The following OTULINL variants were observed in gnomAD, a reference collection of about 807,000 sequenced individuals.
The protein encoded by OTULINL is OTU deubiquitinase with linear linkage specificity like.
Under a neutral mutation model 43.9 loss-of-function variants are expected in OTULINL, and 42 were observed. The ratio of observed to expected loss-of-function variants is 0.96; its 90% CI spans 0.75 to 1.24. The LOEUF (loss-of-function observed/expected upper bound fraction) is 1.24, where lower values mean the gene tolerates loss of function less well. OTULINL is among the 50% of genes most tolerant of loss of function. The pLI is 0.00. For synonymous variants in OTULINL, 172 were observed against 153.6 expected, an observed-to-expected ratio of 1.12 and a Z score of -0.88; for missense variants, 411 against 426.4, an observed-to-expected ratio of 0.96 and a Z score of 0.32.
At chr5:14,600,932 C>CTT (rs5866109) in intron 1 of OTULINL, 33 bp from the exon 2 acceptor site, 246 of 1,198,540 alleles carry the variant, frequency 2.1e-4, no homozygotes, top group African/African-American at 2.0e-3. Flanking sequence ...TTGTGATGTG[C>CTT]TTTTTTTTTT....
At chr5:14,589,919 G>A (rs1362472687) in intron 1 of OTULINL, among the ~76,000 whole-genome samples, 2 of 152,046 alleles carry the variant, frequency 1.3e-5, no homozygotes, top group South Asian at 2.1e-4. Flanking sequence ...TCCAGCCTGG[G>A]CGACAGAGTG....
chr5:14,582,424 C>T (rs1008703896), intron 1 of OTULINL, among the ~76,000 whole-genome samples: 6 of 152,050 alleles, frequency 3.9e-5, no homozygotes, highest in Non-Finnish European at 8.8e-5. Flanking sequence ...TCGCGCCCTG[C>T]TGGCAGAGGA....
Position 14,602,872 on chromosome 5 carries a change from A to G in OTULINL, c.498+540A>G, listed in dbSNP as rs1218898407. On this transcript the variant is annotated intron_variant, in intron 5 of 7. Coordinates refer to ENST00000274217, the MANE Select transcript of OTULINL (RefSeq NM_019018.3). ...TTTCTTGAGGGGCATCTGTTCTTTT[A>G]TAAGTAAGGTGATCAAGCAAAATTC... 2.6e-5 allele frequency among the ~76,000 whole-genome samples: 4 copies of G among 152,166 alleles called. No individual in the cohort carries two copies. The South Asian group carries it at 6.2e-4, about 24-fold the overall frequency.
rs1175296406 is a variant in OTULINL at position 14,587,375 on chromosome 5, G to A, written c.64+5417G>A. Among the ~76,000 whole-genome samples the A allele has an allele frequency of 2.6e-5, 4 of 152,214 alleles. No homozygotes were observed. In the East Asian group the frequency reaches 5.8e-4, roughly 22 times the overall value. ...GAAGTGGAAGAGATGGCAAGCCAGT[G>A]CCAGCATGGGCTGAATGTAACCAGT... On this transcript the variant is annotated intron_variant, in intron 1 of 7. Transcript: ENST00000274217.
At chr5:14,582,579 C>G (rs1018393360) in intron 1 of OTULINL, among the ~76,000 whole-genome samples, 2 of 152,038 alleles carry the variant, frequency 1.3e-5, no homozygotes, top group East Asian at 1.9e-4. Context: ...GCGGATCACG[C>G]GGTCAGGAGT....
intron 5 of OTULINL, among the ~76,000 whole-genome samples, chr5:14,603,761 C>G (rs1467762863): frequency 6.6e-6 from 1 of 151,992 alleles, no homozygotes; most frequent in Non-Finnish European, 1.5e-5. Context: ...CAGTCTGTGG[C>G]TTCTGATTTT....
chr5:14,581,974 G>A lies in OTULINL; in HGVS notation c.64+16G>A. ...CCCGCCGCAGGTGAGCCTGGGGCCG[G>A]GCGGGGCGGGGCGGGGGGCGCGAGC... On this transcript the variant is annotated intron_variant, in intron 1 of 7. Coordinates refer to ENST00000274217, the MANE Select transcript of OTULINL (RefSeq NM_019018.3). The A allele has an allele frequency of 1.6e-6, 2 of 1,267,820 alleles. No homozygotes were observed. Among genetic ancestry groups the A allele is most frequent in the African/African-American group, 3.2e-5 (2 of 63,440 alleles). 78.5% of individuals were successfully genotyped at this position (1,267,820 alleles called of 1,614,324 possible). A position where few individuals can be genotyped will look rare whatever the true frequency, so the allele number is the denominator to read the frequency against.
At chr5:14,594,059 C>G (rs1759247585) in intron 1 of OTULINL, among the ~76,000 whole-genome samples, 1 of 152,154 alleles carries the variant, frequency 6.6e-6, no homozygotes, top group Non-Finnish European at 1.5e-5. Flanking sequence ...AACTGAAATA[C>G]AAAAGTTCAG....
intron 5 of OTULINL, among the ~76,000 whole-genome samples, chr5:14,603,390 A>C (rs1759422061): frequency 6.6e-6 from 1 of 152,224 alleles, no homozygotes; most frequent in African/African-American, 2.4e-5. Flanking sequence ...TTAACTTCAT[A>C]AGAAACTGCC....
chr5:14,604,619 A>C (rs1285638406), intron 5 of OTULINL, among the ~76,000 whole-genome samples: 1 of 152,264 alleles, frequency 6.6e-6, no homozygotes, highest in Non-Finnish European at 1.5e-5. Flanking sequence ...AATCAAAAGC[A>C]GTTTAGTTAC....
rs1759387177 is a variant in OTULINL at position 14,601,417 on chromosome 5, C to T, written c.323C>T (p.Thr108Ile). 6.2e-7 allele frequency: 1 copy of T among 1,614,074 alleles called. No homozygotes were observed. The highest frequency in any genetic ancestry group is 8.5e-7 in the Non-Finnish European group (1 of 1,179,982). The change falls in exon 4 of 8, where the codon ACA becomes ATA. Residue 108 changes from threonine to isoleucine, a missense_variant. Physicochemically the swap from Thr to Ile is moderately conservative, Grantham distance 89. Coordinates refer to ENST00000274217, the MANE Select transcript of OTULINL (RefSeq NM_019018.3). ...TGTGCAAGAGAATGGAAAGGAGAGA[C>T]ACCCCGTAACAAGCTGATGAGGAAG... ...SYCAREWKGETPRNKLMRKAY... is the reference protein window; with the variant it reads ...SYCAREWKGEIPRNKLMRKAY...
At chr5:14,604,977 T>C (rs1759448703) in intron 5 of OTULINL, among the ~76,000 whole-genome samples, 1 of 152,172 alleles carries the variant, frequency 6.6e-6, no homozygotes, top group Non-Finnish European at 1.5e-5. Flanking sequence ...GGCCCTCTTC[T>C]CACAGCTCCA....
At chr5:14,605,019 A>C (rs1037762662) in intron 5 of OTULINL, among the ~76,000 whole-genome samples, 2 of 152,172 alleles carry the variant, frequency 1.3e-5, no homozygotes, top group African/African-American at 4.8e-5. Context: ...ATGGGGTCTC[A>C]GTGTGGGGGC....
chr5:14,598,912 T>G (rs1018706628), intron 1 of OTULINL, among the ~76,000 whole-genome samples: 11 of 152,240 alleles, frequency 7.2e-5, no homozygotes, highest in Admixed American at 3.3e-4. Context: ...ATGTATCACC[T>G]GTGTAAAATT....
chr5:14,598,255 G>A (rs1759321792), intron 1 of OTULINL, among the ~76,000 whole-genome samples: 1 of 152,236 alleles, frequency 6.6e-6, no homozygotes, highest in Non-Finnish European at 1.5e-5. Flanking sequence ...CCACAAGTGA[G>A]CACCACCCTG....
rs1213376308 is a variant in OTULINL, at chr5:14,614,178, GT to G, written c.*3866del. 7.3e-6 allele frequency among the ~76,000 whole-genome samples: 1 copy of G among 137,346 alleles called. No individual in the cohort carries two copies. The highest frequency in any genetic ancestry group is 1.5e-5 in the Non-Finnish European group (1 of 65,036). 90.1% of individuals were successfully genotyped at this position (137,346 alleles called of 152,430 possible). ...TTTTTCACACTGCTTAATAAGACCA[GT>G]TAATGTGTAAAACAGAAAAAAGTAT... On this transcript the variant is annotated 3_prime_UTR_variant, in exon 8 of 8. Transcript: ENST00000274217.
At chr5:14,590,463 C>T (rs371461180) in intron 1 of OTULINL, among the ~76,000 whole-genome samples, 16 of 152,268 alleles carry the variant, frequency 1.1e-4, no homozygotes, top group African/African-American at 3.6e-4. Context: ...TAGCAATGTT[C>T]TATAAAGTTT....
chr5:14,588,565 C>T (rs548396836), intron 1 of OTULINL, among the ~76,000 whole-genome samples: 21 of 152,212 alleles, frequency 1.4e-4, no homozygotes, highest in Non-Finnish European at 2.9e-4. Context: ...TCTTAGTTAG[C>T]ATAAGTGTGG....
intron 1 of OTULINL, among the ~76,000 whole-genome samples, chr5:14,599,227 G>A (rs1004744521): frequency 6.6e-6 from 1 of 152,148 alleles, no homozygotes; most frequent in Non-Finnish European, 1.5e-5. Context: ...CATGGCTCAC[G>A]CCTGTAATCC....
Sources: allele counts gnomAD v4.1 joint callset (sites outside exome capture counted in the v4.1 genomes callset), GRCh38; gene constraint gnomAD v4.1.1; transcripts MANE v1.5; gene names NCBI Gene and HGNC (gene_info 2026-07-23, HGNC 2026-07-21).